Variants in GUCY1A2 observed in about 807,000 individuals in gnomAD.
GUCY1A2 encodes guanylate cyclase soluble subunit alpha-2.
GUCY1A2 carries 27 observed loss-of-function variants against 63.5 expected under a neutral mutation model. The observed-to-expected ratio is 0.43, with a 90% CI of 0.31 to 0.59. The LOEUF (loss-of-function observed/expected upper bound fraction) is 0.59, where lower values mean the gene tolerates loss of function less well. Ranked by LOEUF, GUCY1A2 falls within the 20% of genes least tolerant of loss-of-function variation. The pLI, the probability that GUCY1A2 is intolerant of heterozygous loss-of-function variation, is 0.11. For synonymous variants in GUCY1A2, 364 were observed against 343.5 expected (o/e 1.06, Z -0.66); for missense variants, 768 against 913.3 (o/e 0.84, Z 2.05).
chr11:106,731,882 C>A (rs1863512000), intron 6 of GUCY1A2, among the ~76,000 whole-genome samples: 1 of 151,982 alleles, frequency 6.6e-6, no homozygotes, highest in East Asian at 1.9e-4. Context: ...CAAAACACTG[C>A]TCAAAGAAAT....
intron 4 of GUCY1A2, among the ~76,000 whole-genome samples, chr11:106,901,500 T>G (rs890439948): frequency 1.3e-5 from 2 of 152,192 alleles, no homozygotes; most frequent in African/African-American, 2.4e-5. Context: ...TCTTATTTAT[T>G]TTTGAAATTA....
Position 106,716,915 on chromosome 11 carries a change from T to C in GUCY1A2, c.1837-8249A>G, listed in dbSNP as rs577753085. Reference sequence around the variant, plus strand: ...GTTCTAGTGAACGGCTAGAGCCAATTTGACACCATAGTTGTCAGAGTGAGG... The same window carrying C: ...GTTCTAGTGAACGGCTAGAGCCAATCTGACACCATAGTTGTCAGAGTGAGG... On this transcript the variant is annotated intron_variant, in intron 6 of 7. Coordinates refer to ENST00000526355, the MANE Select transcript of GUCY1A2 (RefSeq NM_000855.3). Among the ~76,000 whole-genome samples the C allele has an allele frequency of 2.6e-4, 40 of 152,264 alleles. 1 individual carries two copies. The highest frequency in any genetic ancestry group is 9.1e-4 in the African/African-American group (38 of 41,552).
In GUCY1A2 at chr11:106,675,795, T is replaced by A. The variant is rs1159543589; in HGVS notation, c.*11754A>T. 5.3e-6 allele frequency: 1 copy of A among 190,420 alleles called. No individual in the cohort carries two copies. The allele number at this position is 190,420 out of a possible 1,614,324, so 11.8% of individuals were successfully genotyped here. A position where few individuals can be genotyped will look rare whatever the true frequency, so the allele number is the denominator to read the frequency against. ...TTTTCATAGATACCAATTTATATGG[T>A]AGCTGCCTGTTTTTTCACAATTTCA... On this transcript the variant is annotated 3_prime_UTR_variant, in exon 8 of 8. Transcript: ENST00000526355.
At chr11:106,955,664 C>G (rs929577389) in intron 3 of GUCY1A2, among the ~76,000 whole-genome samples, 6 of 152,138 alleles carry the variant, frequency 3.9e-5, no homozygotes, top group African/African-American at 1.4e-4. Flanking sequence ...GCTGAGAGGT[C>G]CACTGTTAGT....
At chr11:106,713,349 T>G (rs1863154572) in intron 6 of GUCY1A2, among the ~76,000 whole-genome samples, 1 of 152,158 alleles carries the variant, frequency 6.6e-6, no homozygotes, top group African/African-American at 2.4e-5. Context: ...GTAAACTATT[T>G]GAAAAACTTA....
At chr11:106,812,647 A>C (rs1276687009) in intron 4 of GUCY1A2, among the ~76,000 whole-genome samples, 2 of 151,950 alleles carry the variant, frequency 1.3e-5, no homozygotes, top group Non-Finnish European at 2.9e-5. Flanking sequence ...TATTTCCTAT[A>C]TGTAATGCAT....
At chr11:106,801,286 T>C (rs561254981) in intron 5 of GUCY1A2, among the ~76,000 whole-genome samples, 1 of 152,250 alleles carries the variant, frequency 6.6e-6, no homozygotes, top group African/African-American at 2.4e-5. Flanking sequence ...CAAGGACCTT[T>C]GGCTCATAGT....
chr11:106,998,736 C>T (rs1861573041), intron 1 of GUCY1A2, among the ~76,000 whole-genome samples: 1 of 151,868 alleles, frequency 6.6e-6, no homozygotes, highest in Non-Finnish European at 1.5e-5. Flanking sequence ...AGGACAACAT[C>T]AGCCCCATTT....
At chr11:106,741,291 C>T (rs866267140) in intron 6 of GUCY1A2, among the ~76,000 whole-genome samples, 34 of 152,278 alleles carry the variant, frequency 2.2e-4, no homozygotes, top group Middle Eastern at 3.4e-3. Context: ...TTTTTATTTA[C>T]AGCACATCTC....
At chr11:106,882,484 AAG>A (rs1465517942) in intron 4 of GUCY1A2, among the ~76,000 whole-genome samples, 3 of 152,024 alleles carry the variant, frequency 2.0e-5, no homozygotes, top group Admixed American at 6.6e-5. Flanking sequence ...AGAGAGAAGA[AAG>A]AGGAAAAAAA....
chr11:106,697,341 A>T (rs1862737463), intron 7 of GUCY1A2, among the ~76,000 whole-genome samples: 1 of 152,240 alleles, frequency 6.6e-6, no homozygotes, highest in Admixed American at 6.5e-5. Context: ...CACACAAAAG[A>T]GCAGTGGGAA....
intron 6 of GUCY1A2, among the ~76,000 whole-genome samples, chr11:106,721,137 C>T (rs529628377): frequency 4.7e-4 from 71 of 151,504 alleles, no homozygotes; most frequent in African/African-American, 1.5e-3. Flanking sequence ...TGGCTCACCG[C>T]AGCCTCCACC....
At chr11:106,815,627 G>A (rs1858820683) in intron 4 of GUCY1A2, among the ~76,000 whole-genome samples, 1 of 151,956 alleles carries the variant, frequency 6.6e-6, no homozygotes, top group Non-Finnish European at 1.5e-5. Flanking sequence ...CTAGAAGTAT[G>A]GGTAAATACA....
intron 4 of GUCY1A2, among the ~76,000 whole-genome samples, chr11:106,926,639 G>C (rs971539598): frequency 1.2e-4 from 18 of 151,766 alleles, no homozygotes; most frequent in African/African-American, 4.3e-4. Context: ...CTTAAAGAAG[G>C]CTCCGAACAC....
intron 3 of GUCY1A2, among the ~76,000 whole-genome samples, chr11:106,960,978 G>A (rs1397970349): frequency 6.6e-6 from 1 of 152,072 alleles, no homozygotes; most frequent in Non-Finnish European, 1.5e-5. Flanking sequence ...GGAACAGTGA[G>A]GAAGGAAGGA....
intron 4 of GUCY1A2, among the ~76,000 whole-genome samples, chr11:106,899,908 TC>T (rs1252743876): frequency 4.6e-5 from 7 of 151,716 alleles, no homozygotes; most frequent in African/African-American, 1.7e-4. Flanking sequence ...CATGGTGAAA[TC>T]CTGCCTCCAC....
intron 6 of GUCY1A2, among the ~76,000 whole-genome samples, chr11:106,764,746 T>G (rs1565282150): frequency 6.6e-6 from 1 of 152,052 alleles, no homozygotes; most frequent in Non-Finnish European, 1.5e-5. Context: ...GTAACTCTTG[T>G]TATTAAGTAC....
chr11:106,684,291 G>GA lies in GUCY1A2; in HGVS notation c.*3257dup. The GA allele has an allele frequency of 5.4e-6, 1 of 186,706 alleles. No homozygotes were observed. The highest frequency in any genetic ancestry group is 1.1e-5 in the Non-Finnish European group (1 of 88,426). 11.6% of individuals were successfully genotyped at this position (186,706 alleles called of 1,614,324 possible). ...TAATCAGATATTAAAAGGAAAATCTGAAATTACTTAAAATATAGAGCAAGA... is the reference window on the plus strand; with the variant it reads ...TAATCAGATATTAAAAGGAAAATCTGAAAATTACTTAAAATATAGAGCAAGA... On this transcript the variant is annotated 3_prime_UTR_variant, in exon 8 of 8. Transcript: ENST00000526355.
chr11:106,814,794 A>G (rs1455301722), intron 4 of GUCY1A2, among the ~76,000 whole-genome samples: 1 of 152,122 alleles, frequency 6.6e-6, no homozygotes, highest in African/African-American at 2.4e-5. Context: ...ACCTAAATAG[A>G]GGAATTGACT....
Sources: allele counts gnomAD v4.1 joint callset (sites outside exome capture counted in the v4.1 genomes callset), GRCh38; gene constraint gnomAD v4.1.1; transcripts MANE v1.5; gene names NCBI Gene and HGNC (gene_info 2026-07-23, HGNC 2026-07-21).